Variants in DOCK1 observed in about 807,000 individuals in gnomAD.
DOCK1 encodes dedicator of cytokinesis 1.
In DOCK1, 138 loss-of-function variants were observed where a neutral mutation model predicts 262.7. That is an observed-to-expected ratio of 0.53 (90% CI 0.46 to 0.61). DOCK1 has a LOEUF of 0.61. Ranked by LOEUF, DOCK1 falls within the 20% of genes least tolerant of loss-of-function variation. DOCK1 has a pLI of 0.00. For missense variants in DOCK1, 1,908 were observed against 2,370.7 expected (o/e 0.80, Z 4.05); for synonymous variants, 866 against 867.4 (o/e 1.00, Z 0.03).
chr10:127,153,511 C>T (rs1017837262), intron 27 of DOCK1, among the ~76,000 whole-genome samples: 1 of 152,196 alleles, frequency 6.6e-6, no homozygotes, highest in South Asian at 2.1e-4. Context: ...AGCCTTTGAT[C>T]TATACCCTCT....
intron 27 of DOCK1, among the ~76,000 whole-genome samples, chr10:127,149,965 A>G (rs1440442641): frequency 1.3e-5 from 2 of 152,112 alleles, no homozygotes; most frequent in Non-Finnish European, 2.9e-5. Context: ...GACAGCAAGG[A>G]CTGTAACCTG....
chr10:127,280,009 CAT>C (rs10525314), intron 29 of DOCK1, among the ~76,000 whole-genome samples: 24,491 of 114,268 alleles, frequency 0.21, 2,616 homozygotes, highest in South Asian at 0.46. Flanking sequence ...AATTTTATTT[CAT>C]ATATATATAT....
At chr10:126,980,596 T>G (rs2134825039) in intron 3 of DOCK1, among the ~76,000 whole-genome samples, 1 of 152,288 alleles carries the variant, frequency 6.6e-6, no homozygotes, top group African/African-American at 2.4e-5. Flanking sequence ...ACTTTCCTTG[T>G]TGGCAGAAGC....
chr10:127,064,578 G>A (rs2045737504), intron 23 of DOCK1, among the ~76,000 whole-genome samples: 2 of 152,190 alleles, frequency 1.3e-5, no homozygotes, highest in Non-Finnish European at 2.9e-5. Context: ...AAACTCCACT[G>A]AGTGTGTGGA....
At chr10:127,447,636 C>T (rs747053483) in intron 51 of DOCK1, 91 bp downstream of exon 51, 14 of 1,516,596 alleles carry the variant, frequency 9.2e-6, no homozygotes, top group Admixed American at 8.6e-5. Flanking sequence ...AGGTTTACTT[C>T]GGGCTAGTGA....
intron 27 of DOCK1, among the ~76,000 whole-genome samples, chr10:127,128,504 T>C (rs1243153187): frequency 1.3e-5 from 2 of 152,176 alleles, no homozygotes; most frequent in East Asian, 3.9e-4. Context: ...AAGCCCTGCA[T>C]GCATTCGGTA....
At chr10:126,997,930 G>A (rs968497650) in intron 7 of DOCK1, 162 bp from the exon 8 acceptor site, 1 of 869,490 alleles carries the variant, frequency 1.2e-6, no homozygotes, top group Non-Finnish European at 1.7e-6. Flanking sequence ...GTGAATGCAT[G>A]ATTTAAGAAT....
intron 23 of DOCK1, among the ~76,000 whole-genome samples, chr10:127,102,519 T>C (rs1166590886): frequency 1.3e-5 from 2 of 152,188 alleles, no homozygotes; most frequent in African/African-American, 4.8e-5. Flanking sequence ...AGGTAATATA[T>C]TCTTAGTCAC....
intron 2 of DOCK1, among the ~76,000 whole-genome samples, chr10:126,973,892 A>G (rs1231977346): frequency 1.3e-5 from 2 of 151,814 alleles, no homozygotes; most frequent in Non-Finnish European, 2.9e-5. Flanking sequence ...CTTTTTTTCT[A>G]TGATCCTTTC....
chr10:127,228,621 C>T (rs76488597), intron 27 of DOCK1, among the ~76,000 whole-genome samples: 3 of 152,238 alleles, frequency 2.0e-5, no homozygotes, highest in East Asian at 3.9e-4. Flanking sequence ...TGAGCAGCCA[C>T]GAGGCTGTGC....
intron 1 of DOCK1, among the ~76,000 whole-genome samples, chr10:126,913,495 G>A (rs1302265286): frequency 6.6e-6 from 1 of 152,160 alleles, no homozygotes; most frequent in Non-Finnish European, 1.5e-5. Context: ...ACCTTGCGTG[G>A]CCCTCCGTGG....
At chr10:127,106,131 C>G in intron 23 of DOCK1, 100 bp from the exon 24 acceptor site, 3 of 1,219,834 alleles carry the variant, frequency 2.5e-6, no homozygotes, top group Non-Finnish European at 3.4e-6. Flanking sequence ...TGATCTTTCT[C>G]TTCTCAGTAT....
chr10:127,061,807 CTCCT>C (rs1347651868), intron 23 of DOCK1, 31 bp downstream of exon 23: 1 of 1,519,096 alleles, frequency 6.6e-7, no homozygotes. Flanking sequence ...AGGCAGACTT[CTCCT>C]TCTTTTTTTC....
At chr10:127,417,061 C>T (rs533528662) in intron 44 of DOCK1, among the ~76,000 whole-genome samples, 1 of 152,310 alleles carries the variant, frequency 6.6e-6, no homozygotes, top group African/African-American at 2.4e-5. Context: ...ATCGCCCATT[C>T]GCTGTTCATC....
intron 35 of DOCK1, 96 bp from the exon 36 acceptor site, chr10:127,379,986 T>A: frequency 1.1e-6 from 1 of 876,466 alleles, no homozygotes; most frequent in Non-Finnish European, 1.8e-6. Context: ...TTTGGCTGTG[T>A]TTGACACAAG....
intron 27 of DOCK1, among the ~76,000 whole-genome samples, chr10:127,142,268 G>C (rs185128824): frequency 6.0e-4 from 92 of 152,338 alleles, no homozygotes; most frequent in African/African-American, 2.1e-3. Context: ...GGAAGCCGGG[G>C]CTCCAAACCT....
intron 44 of DOCK1, among the ~76,000 whole-genome samples, chr10:127,417,430 T>C (rs4750863): frequency 0.093 from 14,209 of 152,202 alleles, 776 homozygotes; most frequent in South Asian, 0.16. Context: ...AGACACGCAC[T>C]GGAGCCAGGA....
intron 6 of DOCK1, among the ~76,000 whole-genome samples, 195 bp from the exon 7 acceptor site, chr10:126,996,553 T>C (rs2040209768): frequency 1.3e-5 from 2 of 149,192 alleles, no homozygotes; most frequent in South Asian, 4.3e-4. Flanking sequence ...TTTTTTTTTT[T>C]TTTTTACTTC....
intron 23 of DOCK1, among the ~76,000 whole-genome samples, chr10:127,072,912 G>T (rs1286167577): frequency 1.3e-5 from 2 of 152,128 alleles, no homozygotes; most frequent in African/African-American, 4.8e-5. Flanking sequence ...CTCTTGTCTG[G>T]CTTCTTCAAA....
Sources: gnomAD v4.1 joint callset for allele counts (sites outside exome capture counted in the v4.1 genomes callset) on GRCh38, gnomAD v4.1.1 for gene constraint, MANE v1.5 for transcripts, NCBI Gene and HGNC (gene_info 2026-07-23, HGNC 2026-07-21) for gene names.